The following PPP1CC variants were observed in gnomAD, a reference collection of about 807,000 sequenced individuals.
PPP1CC encodes the protein protein phosphatase 1 catalytic subunit gamma.
PPP1CC carries 16 observed loss-of-function variants against 38.4 expected under a neutral mutation model. The ratio of observed to expected loss-of-function variants is 0.42; its 90% confidence interval spans 0.28 to 0.63. The LOEUF (loss-of-function observed/expected upper bound fraction) is 0.63, where lower values mean the gene tolerates loss of function less well. Among genes scored for constraint, PPP1CC ranks in the 30% least tolerant of loss-of-function variants. PPP1CC has a pLI of 0.25. For synonymous variants in PPP1CC, 158 were observed against 136.0 expected, an observed-to-expected ratio of 1.16 and a Z score of -1.13; for missense variants, 170 against 391.3, an observed-to-expected ratio of 0.43 and a Z score of 4.77.
At chr12:110,710,647 G>GAAA in the PPP1CC span, among the ~76,000 whole-genome samples, 1 of 149,996 alleles carries the variant, frequency 6.7e-6, no homozygotes, top group East Asian at 2.0e-4. Flanking sequence ...GAACCCAGGG[G>GAAA]GCAGAGCTTG....
chr12:110,722,713 A>C lies in PPP1CC; in HGVS notation c.524-18T>G. The C allele has an allele frequency of 6.4e-7, 1 of 1,572,288 alleles. No homozygotes were observed. On this transcript the variant is annotated intron_variant, in intron 4 of 6. Coordinates refer to ENST00000335007, the MANE Select transcript of PPP1CC (RefSeq NM_002710.4). This position sits in a 1 kb window ranked among gnomAD's most constrained non-coding sequence, Gnocchi z 5.4. ...TGATAAACCTATTCAATGAGGAAAA[A>C]AAAAAAATGAAGAAAGCAGAACTTT... is the stretch of plus-strand genomic sequence containing the variant.
rs142014846 is a variant in PPP1CC at position 110,732,934 on chromosome 12, A to G, written c.56-1033T>C. ...CTAAATGTACCTTAATTTTACAGTT[A>G]TAAAGTTCACTTTTGGACCCCAAAA... On this transcript the variant is annotated intron_variant, in intron 1 of 6. Transcript: ENST00000335007. 7.2e-5 allele frequency: 11 copies of G among 152,338 alleles called. No individual in the cohort carries two copies. In the East Asian group the frequency reaches 2.1e-3, roughly 29 times the overall value. The allele number at this position is 152,338 out of a possible 1,614,324, so 9.4% of individuals were successfully genotyped here. A position where few individuals can be genotyped will look rare whatever the true frequency, so the allele number is the denominator to read the frequency against.
At chr12:110,730,421 T>C in intron 3 of PPP1CC, 108 bp downstream of exon 3, 1 of 880,650 alleles carries the variant, frequency 1.1e-6, no homozygotes, top group Non-Finnish European at 1.7e-6. Flanking sequence ...TGAGAGATGA[T>C]ACCACTGCAT....
Position 110,720,120 on chromosome 12 carries a change from G to C in PPP1CC, c.*956C>G, listed in dbSNP as rs1046803655. ...CGCAGAATAAAGAATGTAGGCCAAA[G>C]AAAGCATAATCGGTCACTCGTATAG... On this transcript the variant is annotated 3_prime_UTR_variant, in exon 7 of 7. Coordinates refer to ENST00000335007, the MANE Select transcript of PPP1CC (RefSeq NM_002710.4). 5.2e-6 allele frequency: 8 copies of C among 1,542,308 alleles called. No individual in the cohort carries two copies. The highest frequency in any genetic ancestry group is 7.0e-6 in the Non-Finnish European group (8 of 1,149,570).
intron 1 of PPP1CC, among the ~76,000 whole-genome samples, chr12:110,737,493 A>AAAAAAAAAAAAAAG (rs1555244764): frequency 1.3e-5 from 2 of 150,456 alleles, no homozygotes; most frequent in Non-Finnish European, 3.0e-5. Context: ...AAAAAAAAAA[A>AAAAAAAAAAAAAAG]AAAAAAAAGA....
chr12:110,710,446 C>T, the PPP1CC span, among the ~76,000 whole-genome samples: 47 of 147,178 alleles, frequency 3.2e-4, no homozygotes, highest in African/African-American at 1.1e-3. Flanking sequence ...AGGCTGGGTG[C>T]GGTGGCTCAC....
In PPP1CC at chr12:110,724,810, T is replaced by C. The variant is rs1429920255; in HGVS notation, c.419-46A>G. 8.8e-6 allele frequency: 10 copies of C among 1,142,772 alleles called. No individual in the cohort carries two copies. The Admixed American group carries it at 1.6e-4, about 18-fold the overall frequency. 70.8% of individuals were successfully genotyped at this position (1,142,772 alleles called of 1,614,324 possible). On this transcript the variant is annotated intron_variant, in intron 3 of 6. Transcript: ENST00000335007. The stretch of plus-strand genomic sequence containing the variant: ...TTACATTAAAAAGAGAGTATTACTG[T>C]TCCGTAGGCTCATTCTCTCAGGATT...
intron 1 of PPP1CC, among the ~76,000 whole-genome samples, chr12:110,736,755 T>G (rs1330609401): frequency 6.6e-6 from 1 of 152,130 alleles, no homozygotes; most frequent in Non-Finnish European, 1.5e-5. Flanking sequence ...AAAGCAAAGA[T>G]GGAAACTATG....
At chr12:110,732,551 T>G (rs1163950783) in intron 1 of PPP1CC, 1 of 152,286 alleles carries the variant, frequency 6.6e-6, no homozygotes, top group Non-Finnish European at 1.5e-5. Flanking sequence ...AGTGTTGTTT[T>G]CATTTCATTA....
chr12:110,711,667 G>T, the PPP1CC span, among the ~76,000 whole-genome samples: 1 of 151,874 alleles, frequency 6.6e-6, no homozygotes, highest in Non-Finnish European at 1.5e-5. Context: ...GCTCATGCCT[G>T]TAATCCCAAC....
Position 110,721,104 on chromosome 12 carries a change from C to A in PPP1CC, c.944G>T (p.Gly315Val). 6.2e-7 allele frequency: 1 copy of A among 1,613,900 alleles called. No homozygotes were observed. The highest frequency in any genetic ancestry group is 8.5e-7 in the Non-Finnish European group (1 of 1,179,816). Residue 315 changes from glycine (G) to valine (V), a missense_variant, in exon 7 of 7, where the codon GGT (glycine) becomes GTT (valine). Transcript: ENST00000335007. The stretch of plus-strand genomic sequence containing the variant: ...TTTCTTTGCTTGCTTTGTGATCATA[C>A]CCCTTGGAGGCGTTACAGGTCTCGT... ...NATRPVTPPR[G>V]MITKQAKK
At chr12:110,715,864 G>A (rs2069683168), downstream of PPP1CC, among the ~76,000 whole-genome samples, 1 of 150,722 alleles carries the variant, frequency 6.6e-6, no homozygotes, top group Non-Finnish European at 1.5e-5. Flanking sequence ...CAGGTGATCT[G>A]CCTGCCTTGG....
At chr12:110,730,004 C>T (rs992084664) in intron 3 of PPP1CC, among the ~76,000 whole-genome samples, 1 of 152,234 alleles carries the variant, frequency 6.6e-6, no homozygotes, top group South Asian at 2.1e-4. Flanking sequence ...CTGATCATCA[C>T]ATCATAAAAG....
the PPP1CC span, among the ~76,000 whole-genome samples, chr12:110,712,669 G>A: frequency 2.8e-5 from 4 of 143,432 alleles, no homozygotes; most frequent in East Asian, 4.1e-4. Flanking sequence ...AAAAAAAAGG[G>A]GGGGCACTGA....
Position 110,722,493 on chromosome 12 carries a change from A to T in PPP1CC, c.726T>A (p.Asp242Glu). Residue 242 changes from aspartate to glutamate, a missense_variant, in exon 5 of 7, where the codon GAT becomes GAA. Coordinates refer to ENST00000335007, the MANE Select transcript of PPP1CC (RefSeq NM_002710.4). This position sits in a 1 kb window ranked among gnomAD's most constrained non-coding sequence, Gnocchi z 5.4. ...VAKFLHKHDL[D>E]LICRAHQVVE... ...ATACCTGATGGGCTCTACATATAAG[A>T]TCCAAATCATGCTTATGGAGAAATT... is the stretch of plus-strand genomic sequence containing the variant. 1 of 1,614,198 alleles carries T rather than the reference A, an allele frequency of 6.2e-7. No individual in the cohort carries two copies. Among genetic ancestry groups the T allele is most frequent in the Non-Finnish European group, 8.5e-7 (1 of 1,180,018 alleles).
intron 1 of PPP1CC, among the ~76,000 whole-genome samples, chr12:110,738,180 C>G (rs2069970110): frequency 6.6e-6 from 1 of 152,094 alleles, no homozygotes; most frequent in African/African-American, 2.4e-5. Flanking sequence ...ACAGTAAACC[C>G]CAGTGAAGTG....
intron 6 of PPP1CC, chr12:110,721,881 A>G: frequency 2.1e-6 from 1 of 474,446 alleles, no homozygotes; most frequent in Non-Finnish European, 3.7e-6. Flanking sequence ...TTACAGTAAA[A>G]GAGCCATAAG....
At chr12:110,739,563 C>A (rs1347430724) in intron 1 of PPP1CC, among the ~76,000 whole-genome samples, 2 of 152,026 alleles carry the variant, frequency 1.3e-5, no homozygotes, top group Non-Finnish European at 1.5e-5. Flanking sequence ...TCAGAACAAC[C>A]CTTATGTATC....
At chr12:110,739,737 T>C (rs188222839) in intron 1 of PPP1CC, among the ~76,000 whole-genome samples, 3 of 152,306 alleles carry the variant, frequency 2.0e-5, no homozygotes, top group Non-Finnish European at 4.4e-5. Flanking sequence ...GTGAAGTAAG[T>C]TACAACCACC....
Sources: allele counts gnomAD v4.1 joint callset (sites outside exome capture counted in the v4.1 genomes callset), GRCh38; gene constraint gnomAD v4.1.1; non-coding constraint Gnocchi (gnomAD v3.1); transcripts MANE v1.5; gene names NCBI Gene and HGNC (gene_info 2026-07-23, HGNC 2026-07-21).